Variants in HMG20A observed in about 807,000 individuals in gnomAD.
HMG20A encodes high mobility group protein 20A.
Under a neutral mutation model 43.9 loss-of-function variants are expected in HMG20A, and 17 were observed. The ratio of observed to expected loss-of-function variants is 0.39; its 90% CI spans 0.27 to 0.58. The LOEUF (loss-of-function observed/expected upper bound fraction) is 0.58, where lower values mean the gene tolerates loss of function less well. Among genes scored for constraint, HMG20A ranks in the 20% least tolerant of loss-of-function variants. The pLI, the probability that HMG20A is intolerant of heterozygous loss-of-function variation, is 0.59. For synonymous variants in HMG20A, 132 were observed against 147.5 expected (o/e 0.89, Z 0.76); for missense variants, 341 against 438.2 (o/e 0.78, Z 1.98).
chr15:77,429,438 A>G (rs1474933956), intron 1 of HMG20A, among the ~76,000 whole-genome samples: 2 of 151,994 alleles, frequency 1.3e-5, no homozygotes, highest in African/African-American at 2.4e-5. Flanking sequence ...CATGTCCTTC[A>G]TTCCTATACT....
chr15:77,493,095 CA>C, the HMG20A span, among the ~76,000 whole-genome samples: 3 of 152,162 alleles, frequency 2.0e-5, no homozygotes, highest in South Asian at 6.2e-4. Flanking sequence ...AGGAATATAG[CA>C]AAACAGGTAA....
Position 77,479,205 on chromosome 15 carries a change from A to G in HMG20A, c.934A>G (p.Thr312Ala). ...AAGTGGAGAGACACCTACAGTGGACACCATTGACTCATATATGAACAGACT... is the reference window on the plus strand; with the variant it reads ...AAGTGGAGAGACACCTACAGTGGACGCCATTGACTCATATATGAACAGACT... ...PGSGETPTVD[T>A]IDSYMNRLHS... is the part of the protein sequence containing the mutation. The change falls in exon 9 of 10, where the codon ACC becomes GCC. Residue 312 changes from threonine to alanine, a missense_variant. Thr to Ala is a moderately conservative substitution (Grantham distance 58). Transcript: ENST00000336216. 1 of 1,613,850 alleles carries G rather than the reference A, an allele frequency of 6.2e-7. No individual in the cohort carries two copies. The highest frequency in any genetic ancestry group is 8.5e-7 in the Non-Finnish European group (1 of 1,179,710).
At chr15:77,464,468 T>C in intron 3 of HMG20A, 81 bp downstream of exon 3, 2 of 1,439,790 alleles carry the variant, frequency 1.4e-6, no homozygotes, top group South Asian at 2.5e-5. Flanking sequence ...TTGATCAAGG[T>C]GTTCATATGA....
chr15:77,511,524 G>A, the HMG20A span, among the ~76,000 whole-genome samples: 11 of 152,282 alleles, frequency 7.2e-5, no homozygotes, highest in South Asian at 2.1e-4. Flanking sequence ...GGGACATGTC[G>A]AAAGCACATA....
At chr15:77,500,081 T>G in the HMG20A span, among the ~76,000 whole-genome samples, 43 of 152,294 alleles carry the variant, frequency 2.8e-4, no homozygotes, top group South Asian at 1.2e-3. Flanking sequence ...TCCACCCGCC[T>G]CGGCCTCCCA....
At chr15:77,478,011 A>G in intron 7 of HMG20A, 1 of 514,230 alleles carries the variant, frequency 1.9e-6, no homozygotes, top group Non-Finnish European at 3.5e-6. Flanking sequence ...CTGATTGTAC[A>G]ATTTAAAAAG....
At position 77,477,573 on chromosome 15, in the gene HMG20A, G is replaced by C. The variant is rs1209419992; in HGVS notation, c.634G>C (p.Glu212Gln). The C allele has an allele frequency of 6.2e-7, 1 of 1,611,286 alleles. No homozygotes were observed. Among genetic ancestry groups the C allele is most frequent in the African/African-American group, 1.3e-5 (1 of 74,854 alleles). The change falls in exon 7 of 10, where the codon GAA becomes CAA. Residue 212 changes from glutamate (E) to glutamine (Q), a missense_variant. Coordinates refer to ENST00000336216, the MANE Select transcript of HMG20A (RefSeq NM_001304504.2). Reference sequence around the variant, plus strand: ...TTCACAGAAAGAAACAGAGGTAAAGGAACGGTCTGTTTTTGACATCCCTAT... The same window carrying C: ...TTCACAGAAAGAAACAGAGGTAAAGCAACGGTCTGTTTTTGACATCCCTAT... Reference protein sequence around the residue: ...HDHEKETEVKERSVFDIPIFT... With the variant: ...HDHEKETEVKQRSVFDIPIFT...
At chr15:77,440,305 A>C (rs1316142716) in intron 1 of HMG20A, among the ~76,000 whole-genome samples, 5 of 152,224 alleles carry the variant, frequency 3.3e-5, no homozygotes, top group Non-Finnish European at 7.4e-5. Context: ...TTGTGGTATT[A>C]AACTAGATAA....
chr15:77,455,516 G>T (rs774362989), intron 1 of HMG20A, among the ~76,000 whole-genome samples: 52 of 151,840 alleles, frequency 3.4e-4, no homozygotes, highest in Admixed American at 1.4e-3. Context: ...GTTCTAAGTG[G>T]CAAAGTAATA....
intron 4 of HMG20A, among the ~76,000 whole-genome samples, chr15:77,470,095 G>C (rs2072793104): frequency 6.6e-6 from 1 of 151,974 alleles, no homozygotes; most frequent in Non-Finnish European, 1.5e-5. Flanking sequence ...AATTATTTTG[G>C]TGCTTAAATT....
chr15:77,439,796 T>C (rs2073591543), intron 1 of HMG20A, among the ~76,000 whole-genome samples: 1 of 152,184 alleles, frequency 6.6e-6, no homozygotes, highest in South Asian at 2.1e-4. Flanking sequence ...TTAACAGATA[T>C]TGCTAAATAG....
chr15:77,518,609 GCATCTGTAGT>G, the HMG20A span, among the ~76,000 whole-genome samples: 3 of 152,164 alleles, frequency 2.0e-5, no homozygotes, highest in South Asian at 2.1e-4. Context: ...TGGGCTCTAG[GCATCTGTAGT>G]CAGGGTCCAC....
the HMG20A span, among the ~76,000 whole-genome samples, chr15:77,510,190 A>G: frequency 2.0e-5 from 3 of 152,076 alleles, no homozygotes; most frequent in Admixed American, 2.0e-4. Context: ...TCTTCCAAAC[A>G]CTCACTGGAA....
downstream of HMG20A, among the ~76,000 whole-genome samples, chr15:77,489,643 G>T (rs1282688821): frequency 6.6e-6 from 1 of 152,178 alleles, no homozygotes; most frequent in Non-Finnish European, 1.5e-5. Flanking sequence ...TAGATAAGAA[G>T]AAATGATATA....
At chr15:77,458,349 C>A in intron 1 of HMG20A, 55 bp from the exon 2 acceptor site, 1 of 1,165,014 alleles carries the variant, frequency 8.6e-7, no homozygotes, top group Non-Finnish European at 1.3e-6. Flanking sequence ...ATTAGTGGAA[C>A]TTGAAATGGA....
the HMG20A span, among the ~76,000 whole-genome samples, chr15:77,496,876 G>T: frequency 6.6e-6 from 1 of 152,220 alleles, no homozygotes; most frequent in Non-Finnish European, 1.5e-5. Context: ...TGCTCACTCG[G>T]GTGCCAATTC....
intron 1 of HMG20A, among the ~76,000 whole-genome samples, chr15:77,456,935 A>G (rs1403015977): frequency 6.6e-6 from 1 of 152,226 alleles, no homozygotes; most frequent in Non-Finnish European, 1.5e-5. Flanking sequence ...TAAACACCTT[A>G]TCTTGAAGGA....
At chr15:77,435,283 G>A (rs1408474272) in intron 1 of HMG20A, among the ~76,000 whole-genome samples, 1 of 152,024 alleles carries the variant, frequency 6.6e-6, no homozygotes. Flanking sequence ...CATAATTTTT[G>A]TTTTATAGTC....
chr15:77,516,104 T>C, the HMG20A span, among the ~76,000 whole-genome samples: 7 of 152,186 alleles, frequency 4.6e-5, no homozygotes, highest in Non-Finnish European at 7.3e-5. Flanking sequence ...GGGCAAGGTA[T>C]AAATACTGCT....
Sources: gnomAD v4.1 joint callset for allele counts (sites outside exome capture counted in the v4.1 genomes callset) on GRCh38, gnomAD v4.1.1 for gene constraint, MANE v1.5 for transcripts, NCBI Gene and HGNC (gene_info 2026-07-23, HGNC 2026-07-21) for gene names.